Variants in SORL1 observed in about 807,000 individuals in gnomAD.
SORL1 encodes sortilin-related receptor.
Under a neutral mutation model 273.7 loss-of-function variants are expected in SORL1, and 127 were observed. The observed-to-expected ratio is 0.46, with a 90% CI of 0.40 to 0.54. The LOEUF (loss-of-function observed/expected upper bound fraction) is 0.54. Among genes scored for constraint, SORL1 ranks in the 20% least tolerant of loss-of-function variants. The pLI is 0.00. For synonymous variants in SORL1, 1,031 were observed against 1,067.4 expected, an observed-to-expected ratio of 0.97 and a Z score of 0.66; for missense variants, 2,494 against 2,846.1, an observed-to-expected ratio of 0.88 and a Z score of 2.81.
At chr11:121,480,040 C>T (rs976854236) in intron 3 of SORL1, among the ~76,000 whole-genome samples, 5 of 152,164 alleles carry the variant, frequency 3.3e-5, no homozygotes, top group African/African-American at 1.2e-4. Context: ...TTTGGCTCCT[C>T]CGTGAGGTGA....
At chr11:121,463,296 A>G (rs1861031145) in intron 1 of SORL1, among the ~76,000 whole-genome samples, 1 of 151,644 alleles carries the variant, frequency 6.6e-6, no homozygotes, top group South Asian at 2.1e-4. Context: ...AAGGGGTGAT[A>G]TTATGTTCAT....
intron 6 of SORL1, among the ~76,000 whole-genome samples, chr11:121,509,850 GATTGAATTAGATTCAAAT>G (rs1861849524): frequency 6.6e-6 from 1 of 152,190 alleles, no homozygotes; most frequent in African/African-American, 2.4e-5. Flanking sequence ...GACTCTATAA[GATTGAATTAGATTCAAAT>G]ATTTAAATCA....
At chr11:121,496,262 G>A (rs1000935605) in intron 5 of SORL1, among the ~76,000 whole-genome samples, 9 of 152,224 alleles carry the variant, frequency 5.9e-5, no homozygotes, top group African/African-American at 1.7e-4. Flanking sequence ...TGGGAGAAAG[G>A]TGCCCTCCCT....
intron 6 of SORL1, among the ~76,000 whole-genome samples, chr11:121,502,358 G>A (rs562181617): frequency 1.3e-4 from 19 of 151,922 alleles, no homozygotes; most frequent in South Asian, 2.1e-4. Context: ...GGATGGTCTC[G>A]ATCTCTTAAC....
chr11:121,527,003 G>T (rs1162181469), intron 11 of SORL1, among the ~76,000 whole-genome samples: 1 of 149,950 alleles, frequency 6.7e-6, no homozygotes, highest in African/African-American at 2.5e-5. Flanking sequence ...TCTCCCTTCT[G>T]ATTTCTTTCA....
intron 11 of SORL1, among the ~76,000 whole-genome samples, chr11:121,524,066 G>T (rs1290401110): frequency 6.6e-6 from 1 of 152,184 alleles, no homozygotes; most frequent in Non-Finnish European, 1.5e-5. Context: ...TGTATGTGGT[G>T]AACGCAAATA....
chr11:121,632,479 C>G lies in SORL1; in HGVS notation c.*2916C>G, dbSNP rs1863889194. ...TCTGGGTAACTGGTTGAAACTCTGA[C>G]TTTTGGACAAGTAATTCCTGGGGTT... is the stretch of plus-strand genomic sequence containing the variant. On this transcript the variant is annotated 3_prime_UTR_variant, in exon 48 of 48. Transcript: ENST00000260197. 1 of 151,892 alleles carries G rather than the reference C, an allele frequency of 6.6e-6. No homozygotes were observed. Among genetic ancestry groups the G allele is most frequent in the Admixed American group, 6.6e-5 (1 of 15,218 alleles). 9.4% of individuals were successfully genotyped at this position (151,892 alleles called of 1,614,324 possible).
chr11:121,519,238 G>A (rs1861998938), intron 8 of SORL1, among the ~76,000 whole-genome samples: 1 of 151,978 alleles, frequency 6.6e-6, no homozygotes, highest in African/African-American at 2.4e-5. Flanking sequence ...GAGCCACCAT[G>A]CCCGGCCAAG....
intron 2 of SORL1, among the ~76,000 whole-genome samples, chr11:121,477,618 T>C (rs1359872706): frequency 1.3e-5 from 2 of 152,224 alleles, no homozygotes; most frequent in Admixed American, 1.3e-4. Flanking sequence ...CCCCACATGC[T>C]TGGGGACAGA....
chr11:121,609,798 A>G (rs1229639541), intron 38 of SORL1: 1 of 152,226 alleles, frequency 6.6e-6, no homozygotes, highest in Non-Finnish European at 1.5e-5. Flanking sequence ...CACTTCTTAT[A>G]CACTAAGCAC....
intron 31 of SORL1, among the ~76,000 whole-genome samples, chr11:121,594,495 C>A (rs994924348): frequency 6.6e-6 from 1 of 151,352 alleles, no homozygotes; most frequent in South Asian, 2.1e-4. Context: ...CAACTCTTTG[C>A]TGAGTTTTTC....
intron 25 of SORL1, among the ~76,000 whole-genome samples, chr11:121,581,423 G>T (rs953129282): frequency 6.6e-6 from 1 of 152,098 alleles, no homozygotes; most frequent in Non-Finnish European, 1.5e-5. Flanking sequence ...AGATTTCCAC[G>T]ATTGTTTACC....
At chr11:121,616,810 C>T (rs552506861) in intron 41 of SORL1, among the ~76,000 whole-genome samples, 6 of 152,340 alleles carry the variant, frequency 3.9e-5, no homozygotes, top group East Asian at 3.9e-4. Flanking sequence ...GACCATGGCC[C>T]GTGACACAGC....
intron 11 of SORL1, among the ~76,000 whole-genome samples, chr11:121,525,591 G>T (rs929413001): frequency 6.6e-6 from 1 of 152,176 alleles, no homozygotes; most frequent in Non-Finnish European, 1.5e-5. Flanking sequence ...CCAACACTTG[G>T]TATGATTAGT....
intron 10 of SORL1, 22 bp from the exon 11 acceptor site, chr11:121,522,894 A>G (rs772099138): frequency 2.5e-6 from 4 of 1,597,532 alleles, no homozygotes; most frequent in Non-Finnish European, 2.6e-6. Flanking sequence ...AATTAAAAAT[A>G]ATTATTTCTC....
chr11:121,564,498 A>G (rs1862724979), intron 21 of SORL1, among the ~76,000 whole-genome samples: 1 of 152,210 alleles, frequency 6.6e-6, no homozygotes, highest in African/African-American at 2.4e-5. Flanking sequence ...TGAAAAGGTT[A>G]GTGAAATGAT....
In SORL1 at chr11:121,627,504, C is replaced by G. The variant is rs768022152; in HGVS notation, c.6365-51C>G. 5 of 1,500,712 alleles carry G rather than the reference C, an allele frequency of 3.3e-6. No individual in the cohort carries two copies. In the South Asian group the frequency reaches 4.5e-5, roughly 14 times the overall value. 93.0% of individuals were successfully genotyped at this position (1,500,712 alleles called of 1,614,324 possible). A position where few individuals can be genotyped will look rare whatever the true frequency, so the allele number is the denominator to read the frequency against. ...GTGGGGCCTTGAGGAGTCATCTGGT[C>G]TGTTCTCCTGCCCTCAGGTGGGCTT... is the stretch of plus-strand genomic sequence containing the variant. On this transcript the variant is annotated intron_variant, in intron 46 of 47. Coordinates refer to ENST00000260197, the MANE Select transcript of SORL1 (RefSeq NM_003105.6). The surrounding 1 kb of genome is among the most constrained non-coding windows in gnomAD (Gnocchi z 4.9).
At chr11:121,549,854 CTT>C in intron 14 of SORL1, 104 bp from the exon 15 acceptor site, 1 of 890,130 alleles carries the variant, frequency 1.1e-6, no homozygotes, top group Admixed American at 2.6e-5. Flanking sequence ...TGTTAAATAA[CTT>C]ATAATAAAAG....
chr11:121,467,561 GT>G (rs1217168342), intron 1 of SORL1, among the ~76,000 whole-genome samples: 2 of 151,904 alleles, frequency 1.3e-5, no homozygotes, highest in Admixed American at 6.6e-5. Context: ...TAGGTTCCTA[GT>G]CCTTTATTGT....
Sources: gnomAD v4.1 joint callset for allele counts (sites outside exome capture counted in the v4.1 genomes callset) on GRCh38, gnomAD v4.1.1 for gene constraint, Gnocchi (gnomAD v3.1) non-coding constraint, MANE v1.5 for transcripts, NCBI Gene and HGNC (gene_info 2026-07-23, HGNC 2026-07-21) for gene names.